VAV1: variants seen among roughly 807,000 people sequenced by gnomAD.
The protein encoded by VAV1 is vav guanine nucleotide exchange factor 1.
A neutral mutation model predicts 128.1 loss-of-function variants in VAV1; 33 were observed. The observed-to-expected ratio is 0.26, with a 90% confidence interval of 0.20 to 0.34. VAV1 has a LOEUF of 0.34. VAV1 is among the 10% of genes least tolerant of loss of function. The probability of loss-of-function intolerance (pLI) is 1.00; values close to 1 mark genes in which losing one functional copy is unlikely to be tolerated. For synonymous variants in VAV1, 394 were observed against 409.8 expected (o/e 0.96, Z 0.47); for missense variants, 715 against 1,093.7 (o/e 0.65, Z 4.88).
rs1972143265 is a variant in VAV1 at position 6,833,568 on chromosome 19, G to A, written c.1651G>A (p.Ala551Thr). 4 of 1,612,404 alleles carry A rather than the reference G, an allele frequency of 2.5e-6. No homozygotes were observed. Among genetic ancestry groups the A allele is most frequent in the African/African-American group, 2.7e-5 (2 of 74,894 alleles). ...YQGYRCHRCRASAHKECLGRV... is the reference protein window; with the variant it reads ...YQGYRCHRCRTSAHKECLGRV... ...GGGCTACCGCTGCCATCGGTGCCGG[G>A]CATCTGCACACAAGGAGTGTCTGGG... Residue 551 changes from alanine to threonine, a missense_variant, in exon 17 of 27, where the codon GCA becomes ACA. By Grantham distance (58) the Ala-to-Thr change is moderately conservative (BLOSUM62 0). Transcript: ENST00000602142.
chr19:6,811,282 C>A (rs1026512120), intron 1 of VAV1, among the ~76,000 whole-genome samples: 12 of 152,176 alleles, frequency 7.9e-5, no homozygotes, highest in Non-Finnish European at 1.6e-4. Context: ...GTGATCCACC[C>A]TCTTCGGCCT....
chr19:6,833,614 G>T lies in VAV1; in HGVS notation c.1697G>T (p.Arg566Leu). Residue 566 changes from arginine to leucine, a missense_variant, in exon 17 of 27, where the codon CGA (arginine) becomes CTA (leucine). This residue lies in a region of VAV1 where 407 missense variants were observed against 580.6 expected (regional missense o/e 0.70). Coordinates refer to ENST00000602142, the MANE Select transcript of VAV1 (RefSeq NM_005428.4). Reference sequence around the variant, plus strand: ...CTGGGGAGGGTCCCTCCATGTGGCCGACATGGGCAAGGTACGAGTGGGAGG... The same window carrying T: ...CTGGGGAGGGTCCCTCCATGTGGCCTACATGGGCAAGGTACGAGTGGGAGG... ...ECLGRVPPCG[R>L]HGQDFPGTMK... 1 of 1,613,878 alleles carries T rather than the reference G, an allele frequency of 6.2e-7. No individual in the cohort carries two copies. The highest frequency in any genetic ancestry group is 8.5e-7 in the Non-Finnish European group (1 of 1,179,840).
chr19:6,804,617 A>T (rs1432128622), intron 1 of VAV1, among the ~76,000 whole-genome samples: 1 of 151,522 alleles, frequency 6.6e-6, no homozygotes, highest in Admixed American at 6.6e-5. Flanking sequence ...AGGTTTCGCC[A>T]TGTTGGCCAG....
chr19:6,800,925 C>G (rs2144730810), intron 1 of VAV1, among the ~76,000 whole-genome samples: 1 of 152,326 alleles, frequency 6.6e-6, no homozygotes, highest in South Asian at 2.1e-4. Flanking sequence ...CCGCACCCAG[C>G]CGCTCACCAT....
intron 1 of VAV1, among the ~76,000 whole-genome samples, chr19:6,801,599 G>T (rs1971270503): frequency 6.6e-6 from 1 of 152,094 alleles, no homozygotes; most frequent in Admixed American, 6.6e-5. Flanking sequence ...GGGGCTGATG[G>T]GTTGAACGCA....
intron 26 of VAV1, among the ~76,000 whole-genome samples, chr19:6,855,834 TATCTATCTATCC>T (rs1383566004): frequency 1.1e-4 from 17 of 148,510 alleles, no homozygotes; most frequent in African/African-American, 4.3e-4. Flanking sequence ...TCTATCTATC[TATCTATCTATCC>T]ATTCATTATC....
At position 6,833,520 on chromosome 19, in the gene VAV1, C is replaced by A. The variant is rs746388456; in HGVS notation, c.1611-8C>A. On this transcript the variant is annotated splice_region_variant and splice_polypyrimidine_tract_variant and intron_variant, in intron 16 of 26. Coordinates refer to ENST00000602142, the MANE Select transcript of VAV1 (RefSeq NM_005428.4). Reference sequence around the variant, plus strand: ...CTCGCTCTTCTTTATGTGTTCCCTGCATCTCAGAGGTACCTTCTATCAGGG... The same window carrying A: ...CTCGCTCTTCTTTATGTGTTCCCTGAATCTCAGAGGTACCTTCTATCAGGG... 2 of 1,590,986 alleles carry A rather than the reference C, an allele frequency of 1.3e-6. No homozygotes were observed. Among genetic ancestry groups the A allele is most frequent in the Non-Finnish European group, 1.7e-6 (2 of 1,168,114 alleles).
rs557024284 is a variant in VAV1, at chr19:6,826,260, C to A, written c.828-352C>A. 1.3e-5 allele frequency among the ~76,000 whole-genome samples: 2 copies of A among 152,106 alleles called. 1 individual carries two copies. The highest frequency in any genetic ancestry group is 2.9e-5 in the Non-Finnish European group (2 of 68,024). The stretch of plus-strand genomic sequence containing the variant: ...GGCTGAAGCAGGAGAATCGCTTGAA[C>A]CCGGGAGATGGAGGTTGCACTGAGC... On this transcript the variant is annotated intron_variant, in intron 8 of 26. Transcript: ENST00000602142. The surrounding 1 kb of genome is among the most constrained non-coding windows in gnomAD (Gnocchi z 4.1).
intron 1 of VAV1, among the ~76,000 whole-genome samples, chr19:6,782,887 GAA>G (rs544921560): frequency 8.0e-5 from 11 of 136,952 alleles, no homozygotes; most frequent in Non-Finnish European, 1.1e-4. Context: ...TGTCTCGGAA[GAA>G]AAAAAAAAAA....
chr19:6,849,162 T>C (rs530663220), intron 23 of VAV1, among the ~76,000 whole-genome samples: 4 of 151,816 alleles, frequency 2.6e-5, no homozygotes, highest in Non-Finnish European at 5.9e-5. Flanking sequence ...TATTGCACAA[T>C]GCTGAGGGTT....
intron 14 of VAV1, among the ~76,000 whole-genome samples, chr19:6,830,705 G>A (rs1972035252): frequency 6.6e-6 from 1 of 152,096 alleles, no homozygotes; most frequent in African/African-American, 2.4e-5. Flanking sequence ...CTCCCAAAGT[G>A]CTGAGATTAC....
chr19:6,844,148 A>ATGG (rs1972459612), intron 22 of VAV1, among the ~76,000 whole-genome samples: 1 of 121,922 alleles, frequency 8.2e-6, no homozygotes, highest in Non-Finnish European at 1.6e-5. Context: ...TTAATGTCAC[A>ATGG]TGGTGAGGAA....
At chr19:6,811,161 A>C (rs2144749106) in intron 1 of VAV1, among the ~76,000 whole-genome samples, 1 of 152,056 alleles carries the variant, frequency 6.6e-6, no homozygotes, top group African/African-American at 2.4e-5. Context: ...TCAGCTTCTC[A>C]AGTAGCTGGG....
At chr19:6,830,900 C>T (rs1283715871) in intron 14 of VAV1, among the ~76,000 whole-genome samples, 1 of 151,948 alleles carries the variant, frequency 6.6e-6, no homozygotes, top group African/African-American at 2.4e-5. Flanking sequence ...TCAGCCTGGG[C>T]AACATAGGGA....
At chr19:6,836,225 A>G (rs1472418307) in intron 19 of VAV1, 2 of 596,774 alleles carry the variant, frequency 3.4e-6, no homozygotes, top group Non-Finnish European at 5.7e-6. Flanking sequence ...AGTAGATACA[A>G]TGTTTAGCTT....
chr19:6,821,648 C>T lies in VAV1; in HGVS notation c.348C>T (p.Ser116=). Residue 116 remains serine, a synonymous_variant, in exon 3 of 27, where the codon TCC becomes TCT. Transcript: ENST00000602142. ...GKVIYTLSAL[S]WTPIAQNRGI... is the part of the protein sequence containing the mutation. ...TCATCTACACCCTGTCTGCTCTGTC[C>T]TGGACCCCGATCGCCCAGAACAGGG... is the stretch of plus-strand genomic sequence containing the variant. The T allele has an allele frequency of 6.2e-7, 1 of 1,614,180 alleles. No individual in the cohort carries two copies.
rs550886352 is a variant in VAV1 at position 6,848,858 on chromosome 19, A to G, written c.2129+744A>G. Among the ~76,000 whole-genome samples, 28 of 151,102 alleles carry G rather than the reference A, an allele frequency of 1.9e-4. 1 individual carries two copies. In the East Asian group the frequency reaches 3.5e-3, roughly 19 times the overall value. On this transcript the variant is annotated intron_variant, in intron 23 of 26. Coordinates refer to ENST00000602142, the MANE Select transcript of VAV1 (RefSeq NM_005428.4). ...GCCCAGGCTGGAGTGCAGTGGTGAG[A>G]TCTTAGCTCACTGCAACCTCTGCCT... is the stretch of plus-strand genomic sequence containing the variant.
chr19:6,782,350 AAAT>A (rs1970784935), intron 1 of VAV1, among the ~76,000 whole-genome samples: 3 of 151,684 alleles, frequency 2.0e-5, no homozygotes, highest in African/African-American at 7.3e-5. Context: ...ATAAATAAAT[AAAT>A]AAAAATAAAA....
At chr19:6,834,918 T>C (rs1430108734) in intron 19 of VAV1, among the ~76,000 whole-genome samples, 7 of 151,402 alleles carry the variant, frequency 4.6e-5, no homozygotes, top group Non-Finnish European at 1.0e-4. Context: ...AACGAGACCC[T>C]GTGTCTACAA....
Sources: gnomAD v4.1 joint callset for allele counts (sites outside exome capture counted in the v4.1 genomes callset) on GRCh38, gnomAD v4.1.1 for gene constraint, gnomAD v4.1.1 regional missense constraint, Gnocchi (gnomAD v3.1) non-coding constraint, MANE v1.5 for transcripts, NCBI Gene and HGNC (gene_info 2026-07-23, HGNC 2026-07-21) for gene names.